Variants in SUMF1 observed in about 807,000 individuals in gnomAD.
The protein encoded by SUMF1 is formylglycine-generating enzyme.
A neutral mutation model predicts 47.6 loss-of-function variants in SUMF1; 48 were observed. That is an observed-to-expected ratio of 1.01 (90% CI 0.80 to 1.28). The LOEUF is 1.28. Ranked by LOEUF, SUMF1 falls within the 50% of genes most tolerant of loss-of-function variation. The probability of loss-of-function intolerance (pLI) is 0.00; values close to 1 mark genes in which losing one functional copy is unlikely to be tolerated. For missense variants in SUMF1, 571 were observed against 485.4 expected (o/e 1.18, Z -1.66); for synonymous variants, 230 against 192.1 (o/e 1.20, Z -1.63).
At chr3:4,077,285 ACCCAGCAAT>A (rs950680687) in intron 8 of SUMF1, among the ~76,000 whole-genome samples, 12 of 152,262 alleles carry the variant, frequency 7.9e-5, no homozygotes, top group African/African-American at 2.9e-4. Context: ...ATACCATTTG[ACCCAGCAAT>A]CCCATTACTG....
chr3:4,290,644 T>C (rs1697722523), intron 8 of SUMF1, among the ~76,000 whole-genome samples: 1 of 152,184 alleles, frequency 6.6e-6, no homozygotes, highest in African/African-American at 2.4e-5. Context: ...GTCCCCCTCA[T>C]AGAACCTTCT....
chr3:4,069,454 G>A (rs1695464350), intron 8 of SUMF1, among the ~76,000 whole-genome samples: 1 of 152,194 alleles, frequency 6.6e-6, no homozygotes, highest in African/African-American at 2.4e-5. Context: ...TTTAAGTGAA[G>A]TCTGCTGGGA....
At chr3:4,217,778 G>T (rs551252256) in intron 8 of SUMF1, among the ~76,000 whole-genome samples, 2 of 150,144 alleles carry the variant, frequency 1.3e-5, no homozygotes, top group Admixed American at 1.3e-4. Flanking sequence ...CACAAGAAAA[G>T]AATAAGATAT....
At chr3:4,379,733 T>C (rs1197770903) in intron 7 of SUMF1, among the ~76,000 whole-genome samples, 3 of 150,808 alleles carry the variant, frequency 2.0e-5, no homozygotes, top group South Asian at 2.1e-4. Flanking sequence ...TCCCAGCTAC[T>C]TGGGAGGCTG....
chr3:4,292,157 A>T (rs1016882719), intron 8 of SUMF1, among the ~76,000 whole-genome samples: 4 of 152,226 alleles, frequency 2.6e-5, no homozygotes, highest in African/African-American at 9.6e-5. Flanking sequence ...ATTATTAATT[A>T]GCACAGTTTT....
chr3:4,295,900 T>C (rs2125059360), intron 8 of SUMF1, among the ~76,000 whole-genome samples: 1 of 152,328 alleles, frequency 6.6e-6, no homozygotes, highest in South Asian at 2.1e-4. Flanking sequence ...ATGGGTTTCA[T>C]GAAACCATAA....
intron 8 of SUMF1, among the ~76,000 whole-genome samples, chr3:4,190,329 C>T (rs898013280): frequency 7.2e-5 from 11 of 151,876 alleles, no homozygotes; most frequent in East Asian, 1.9e-4. Context: ...TGTGTGTTGG[C>T]GACAGCAACG....
chr3:4,360,212 T>TTC (rs1699715005), downstream of SUMF1, among the ~76,000 whole-genome samples: 1 of 150,076 alleles, frequency 6.7e-6, no homozygotes, highest in South Asian at 2.1e-4. Context: ...GTTCTTTTTT[T>TTC]TTTTTTTTTT....
intron 8 of SUMF1, among the ~76,000 whole-genome samples, chr3:4,160,619 C>T (rs539946979): frequency 2.0e-5 from 3 of 152,186 alleles, no homozygotes; most frequent in Non-Finnish European, 4.4e-5. Flanking sequence ...CTGATGCATT[C>T]TTCAGTATGT....
chr3:4,133,111 G>T (rs1392828857), intron 8 of SUMF1, among the ~76,000 whole-genome samples: 1 of 152,146 alleles, frequency 6.6e-6, no homozygotes, highest in African/African-American at 2.4e-5. Flanking sequence ...GACTGTAATT[G>T]TCATGAGTAC....
intron 8 of SUMF1, among the ~76,000 whole-genome samples, chr3:4,158,362 G>C (rs1694500614): frequency 2.0e-5 from 3 of 151,262 alleles, no homozygotes; most frequent in Non-Finnish European, 4.4e-5. Context: ...TGCTTGTTTT[G>C]TGAGCTAACG....
intron 8 of SUMF1, among the ~76,000 whole-genome samples, chr3:4,122,586 T>C (rs1328387224): frequency 6.6e-6 from 1 of 152,152 alleles, no homozygotes; most frequent in Non-Finnish European, 1.5e-5. Context: ...AAAAAACTCA[T>C]GTCCACTGAT....
chr3:4,147,514 G>T (rs1016317017), intron 8 of SUMF1, among the ~76,000 whole-genome samples: 24 of 152,078 alleles, frequency 1.6e-4, no homozygotes, highest in Non-Finnish European at 2.4e-4. Context: ...TTTTAACTCT[G>T]CTAGCAGATG....
downstream of SUMF1, among the ~76,000 whole-genome samples, chr3:4,358,139 C>T (rs946597631): frequency 6.6e-6 from 1 of 152,008 alleles, no homozygotes; most frequent in African/African-American, 2.4e-5. Flanking sequence ...GATTACCACC[C>T]GTATTTCCCC....
At chr3:4,422,505 A>C (rs1387059651) in intron 3 of SUMF1, among the ~76,000 whole-genome samples, 2 of 152,242 alleles carry the variant, frequency 1.3e-5, no homozygotes, top group East Asian at 3.9e-4. Flanking sequence ...AAAAAAAAAA[A>C]AACATGATTT....
intron 9 of SUMF1, among the ~76,000 whole-genome samples, chr3:4,035,040 G>A (rs957701972): frequency 6.6e-6 from 1 of 151,984 alleles, no homozygotes. Context: ...AAGACTGTGA[G>A]TAAAGACGTC....
At chr3:4,156,438 T>C (rs192281920) in intron 8 of SUMF1, among the ~76,000 whole-genome samples, 10 of 151,686 alleles carry the variant, frequency 6.6e-5, no homozygotes, top group Non-Finnish European at 1.3e-4. Flanking sequence ...TTCTGGTTTG[T>C]TCCCCACTAT....
chr3:4,303,438 C>G (rs780707877), intron 8 of SUMF1: 31 of 1,551,962 alleles, frequency 2.0e-5, no homozygotes, highest in African/African-American at 2.8e-5. Context: ...AAGCCTGAGG[C>G]CCCGACTGAG....
At chr3:4,166,522 AAC>A (rs958651584) in intron 8 of SUMF1, among the ~76,000 whole-genome samples, 4 of 152,170 alleles carry the variant, frequency 2.6e-5, no homozygotes, top group Admixed American at 2.0e-4. Context: ...TAAAGAAGGG[AAC>A]AGAGTCCCAA....
Sources: gnomAD v4.1 joint callset for allele counts (sites outside exome capture counted in the v4.1 genomes callset) on GRCh38, gnomAD v4.1.1 for gene constraint, MANE v1.5 for transcripts, NCBI Gene and HGNC (gene_info 2026-07-23, HGNC 2026-07-21) for gene names.